CERT1: variants seen among roughly 807,000 people sequenced by gnomAD.
The protein encoded by CERT1 is ceramide transfer protein.
Under a neutral mutation model 87.9 loss-of-function variants are expected in CERT1, and 31 were observed. That is an observed-to-expected ratio of 0.35 (90% CI 0.27 to 0.48). The LOEUF (loss-of-function observed/expected upper bound fraction) is 0.48. Ranked by LOEUF, CERT1 falls within the 20% of genes least tolerant of loss-of-function variation. CERT1 has a pLI of 0.99. For synonymous variants in CERT1, 289 were observed against 250.9 expected (o/e 1.15, Z -1.44); for missense variants, 487 against 758.0 (o/e 0.64, Z 4.20).
chr5:75,450,100 T>C (rs1417030885), intron 3 of CERT1, among the ~76,000 whole-genome samples: 1 of 152,192 alleles, frequency 6.6e-6, no homozygotes, highest in Non-Finnish European at 1.5e-5. Flanking sequence ...GAAAAATCAC[T>C]GACCTTTCTT....
chr5:75,462,240 A>C (rs1765262788), intron 2 of CERT1, among the ~76,000 whole-genome samples: 2 of 152,222 alleles, frequency 1.3e-5, no homozygotes, highest in South Asian at 4.1e-4. Flanking sequence ...GATATGATCT[A>C]AGGCAGCAGT....
At chr5:75,428,489 T>C (rs992687201) in intron 3 of CERT1, among the ~76,000 whole-genome samples, 5 of 152,118 alleles carry the variant, frequency 3.3e-5, no homozygotes, top group African/African-American at 1.2e-4. Flanking sequence ...CCATCCTGGC[T>C]AACACGGTGA....
At chr5:75,434,595 T>C (rs141592770) in intron 3 of CERT1, among the ~76,000 whole-genome samples, 7 of 152,144 alleles carry the variant, frequency 4.6e-5, no homozygotes, top group South Asian at 2.1e-4. Context: ...TCTGGTAGAA[T>C]AGAGCTATGA....
intron 2 of CERT1, among the ~76,000 whole-genome samples, chr5:75,504,225 T>C (rs1385604061): frequency 6.6e-6 from 1 of 152,064 alleles, no homozygotes; most frequent in Non-Finnish European, 1.5e-5. Flanking sequence ...TTGATATGAA[T>C]AATGATCTAT....
intron 8 of CERT1, among the ~76,000 whole-genome samples, chr5:75,405,467 C>A (rs112654187): frequency 3.7e-4 from 57 of 152,294 alleles, no homozygotes; most frequent in African/African-American, 8.9e-4. Context: ...AGGGTCAGAT[C>A]TTTGTATCTA....
intron 5 of CERT1, among the ~76,000 whole-genome samples, chr5:75,424,329 C>T (rs1763509003): frequency 1.3e-5 from 2 of 152,012 alleles, no homozygotes; most frequent in South Asian, 4.1e-4. Context: ...GGCCTGTAAT[C>T]CCAGCACTTT....
chr5:75,457,544 T>A (rs549646879), intron 3 of CERT1, among the ~76,000 whole-genome samples: 10 of 152,124 alleles, frequency 6.6e-5, no homozygotes, highest in African/African-American at 2.2e-4. Context: ...CCAAGATAAC[T>A]AAGACTTAGA....
intron 3 of CERT1, among the ~76,000 whole-genome samples, chr5:75,432,683 C>T (rs999405711): frequency 6.6e-6 from 1 of 152,212 alleles, no homozygotes; most frequent in Non-Finnish European, 1.5e-5. Flanking sequence ...GTTTCTCTTG[C>T]TTTGCAAAAG....
intron 2 of CERT1, among the ~76,000 whole-genome samples, chr5:75,479,625 T>C (rs1021821081): frequency 6.6e-6 from 1 of 152,204 alleles, no homozygotes; most frequent in Non-Finnish European, 1.5e-5. Flanking sequence ...GATCTCACTC[T>C]TTTTTATGTC....
chr5:75,478,409 A>G (rs570448109), intron 2 of CERT1, among the ~76,000 whole-genome samples: 1 of 152,310 alleles, frequency 6.6e-6, no homozygotes, highest in Admixed American at 6.5e-5. Flanking sequence ...CAAACGAGCA[A>G]ATTAAGATGT....
At chr5:75,379,526 T>G (rs1373592028) in intron 16 of CERT1, 53 bp from the exon 17 acceptor site, 13 of 1,484,292 alleles carry the variant, frequency 8.8e-6, no homozygotes, top group Non-Finnish European at 1.2e-5. Context: ...TCCAAACATA[T>G]GTGAAGCACT....
intron 12 of CERT1, among the ~76,000 whole-genome samples, chr5:75,386,474 T>C (rs535337878): frequency 2.4e-4 from 36 of 152,350 alleles, no homozygotes; most frequent in African/African-American, 8.7e-4. Context: ...AGTTATTTGT[T>C]AAATCAATGG....
rs144325728 is a variant in CERT1 at position 75,417,631 on chromosome 5, T to C, written c.680-598A>G. ...AGAAATCATTCTAGTAGAATAATTA[T>C]AAATGAAATAATGTCAATTTTGACT... On this transcript the variant is annotated intron_variant, in intron 6 of 16. Coordinates refer to ENST00000643780, the MANE Select transcript of CERT1 (RefSeq NM_001379029.1). Among the ~76,000 whole-genome samples, 342 of 152,316 alleles carry C rather than the reference T, an allele frequency of 2.2e-3. 1 individual carries two copies. The highest frequency in any genetic ancestry group is 7.6e-3 in the African/African-American group (315 of 41,560).
chr5:75,480,572 A>T (rs758573785), intron 2 of CERT1, among the ~76,000 whole-genome samples: 2 of 152,234 alleles, frequency 1.3e-5, no homozygotes, highest in Admixed American at 6.5e-5. Flanking sequence ...ATGCATACAC[A>T]TAACTCCAAC....
downstream of CERT1, chr5:75,376,004 T>C (rs546062153): frequency 2.0e-5 from 3 of 152,202 alleles, no homozygotes; most frequent in South Asian, 4.2e-4. Flanking sequence ...TGCACACATA[T>C]ACATGTACCC....
intron 17 of CERT1, chr5:75,370,186 T>C (rs1240554083): frequency 1.3e-5 from 2 of 152,186 alleles, no homozygotes; most frequent in Non-Finnish European, 1.5e-5. Flanking sequence ...CCAGATTAAG[T>C]AGTTGGCTTT....
intron 11 of CERT1, among the ~76,000 whole-genome samples, chr5:75,398,164 A>G (rs1418826802): frequency 1.3e-5 from 2 of 152,246 alleles, no homozygotes; most frequent in African/African-American, 4.8e-5. Context: ...AAAACGCTGT[A>G]CAAGTCAGAA....
chr5:75,387,704 T>C (rs1304503696), intron 12 of CERT1, among the ~76,000 whole-genome samples: 1 of 150,500 alleles, frequency 6.6e-6, no homozygotes, highest in Admixed American at 6.6e-5. Context: ...ATCATGCCAT[T>C]GCACTCCAGC....
At chr5:75,404,355 A>G (rs1762624035) in intron 8 of CERT1, among the ~76,000 whole-genome samples, 1 of 151,916 alleles carries the variant, frequency 6.6e-6, no homozygotes. Context: ...AGAACAGTGC[A>G]TATCTTAGTG....
Sources: gnomAD v4.1 joint callset for allele counts (sites outside exome capture counted in the v4.1 genomes callset) on GRCh38, gnomAD v4.1.1 for gene constraint, MANE v1.5 for transcripts, NCBI Gene and HGNC (gene_info 2026-07-23, HGNC 2026-07-21) for gene names.